The following TFPI variants were observed in gnomAD, a reference collection of about 807,000 sequenced individuals.
TFPI encodes tissue factor pathway inhibitor, also known as anti-convertin.
A neutral mutation model predicts 34.6 loss-of-function variants in TFPI; 15 were observed. That is an observed-to-expected ratio of 0.43 (90% CI 0.29 to 0.67). TFPI has a LOEUF of 0.67. Ranked by LOEUF, TFPI falls within the 30% of genes least tolerant of loss-of-function variation. TFPI has a pLI of 0.15. For synonymous variants in TFPI, 105 were observed against 120.1 expected, an observed-to-expected ratio of 0.87 and a Z score of 0.82; for missense variants, 301 against 364.0, an observed-to-expected ratio of 0.83 and a Z score of 1.41.
chr2:187,473,042 A>G (rs8176568), intron 6 of TFPI, among the ~76,000 whole-genome samples: 1,960 of 152,148 alleles, frequency 0.013, 53 homozygotes, highest in African/African-American at 0.045. Flanking sequence ...ACATAATTAC[A>G]CTGTTATACA....
At chr2:187,536,243 A>T (rs1337063911) in intron 1 of TFPI, among the ~76,000 whole-genome samples, 1 of 152,260 alleles carries the variant, frequency 6.6e-6, no homozygotes, top group African/African-American at 2.4e-5. Context: ...TGAGGCCAGC[A>T]TCATCCTGAT....
chr2:187,539,254 A>G lies in TFPI; in HGVS notation c.-3+14946T>C, dbSNP rs535418733. ...AGAATGCAAAGTAAGGACCAGTGAT[A>G]ATAAAGTTCTAGGTGTGCCCTTGTA... On this transcript the variant is annotated intron_variant, in intron 1 of 7. Coordinates refer to ENST00000233156, the MANE Select transcript of TFPI (RefSeq NM_006287.6). Among the ~76,000 whole-genome samples, 16 of 152,302 alleles carry G rather than the reference A, an allele frequency of 1.1e-4. 1 individual carries two copies. In the South Asian group the frequency reaches 1.2e-3, roughly 12 times the overall value.
intron 1 of TFPI, among the ~76,000 whole-genome samples, chr2:187,545,103 C>G (rs1688789935): frequency 6.6e-6 from 1 of 151,600 alleles, no homozygotes; most frequent in Non-Finnish European, 1.5e-5. Flanking sequence ...AGAGGGAGAC[C>G]CTGTTTCAAA....
chr2:187,543,984 C>T (rs935630506), intron 1 of TFPI, among the ~76,000 whole-genome samples: 9 of 152,068 alleles, frequency 5.9e-5, no homozygotes, highest in African/African-American at 2.2e-4. Context: ...TAGGAAAAAC[C>T]TGGTTCCTTG....
At chr2:187,498,538 A>C (rs898431349) in intron 2 of TFPI, among the ~76,000 whole-genome samples, 1 of 151,858 alleles carries the variant, frequency 6.6e-6, no homozygotes, top group African/African-American at 2.4e-5. Flanking sequence ...ACAGCTTTCT[A>C]TACATAAGTT....
intron 2 of TFPI, among the ~76,000 whole-genome samples, chr2:187,502,387 G>C (rs1470859449): frequency 6.6e-6 from 1 of 152,128 alleles, no homozygotes; most frequent in African/African-American, 2.4e-5. Context: ...CCACAAGTGA[G>C]ATTGCCTGTT....
chr2:187,534,159 A>T (rs375081202), intron 1 of TFPI, among the ~76,000 whole-genome samples: 1 of 152,236 alleles, frequency 6.6e-6, no homozygotes, highest in South Asian at 2.1e-4. Context: ...GATATTATCC[A>T]GGAGAACTTC....
intron 6 of TFPI, among the ~76,000 whole-genome samples, chr2:187,471,197 T>C (rs1418928251): frequency 6.6e-6 from 1 of 152,218 alleles, no homozygotes; most frequent in African/African-American, 2.4e-5. Context: ...ATACGTAAAC[T>C]AATTCATTTA....
chr2:187,540,379 G>A (rs1029723979), intron 1 of TFPI, among the ~76,000 whole-genome samples: 3 of 152,054 alleles, frequency 2.0e-5, no homozygotes, highest in African/African-American at 7.2e-5. Flanking sequence ...TCAGTATAGG[G>A]GGATTAATGC....
chr2:187,517,198 G>C (rs1477052534), intron 1 of TFPI: 1 of 152,124 alleles, frequency 6.6e-6, no homozygotes, highest in Non-Finnish European at 1.5e-5. Flanking sequence ...TTTTGAATTT[G>C]TTTGCTCTTG....
At position 187,464,895 on chromosome 2, in the gene TFPI, C is replaced by T. The variant is rs780858034; in HGVS notation, c.*2041G>A. On this transcript the variant is annotated 3_prime_UTR_variant, in exon 8 of 8. Coordinates refer to ENST00000233156, the MANE Select transcript of TFPI (RefSeq NM_006287.6). ...GGACTTTTCATATTCCATATTGAAA[C>T]ATAGTGATTCTGTAGCTGGCATCAG... 1.3e-5 allele frequency: 2 copies of T among 152,108 alleles called. No homozygotes were observed. Among genetic ancestry groups the T allele is most frequent in the Non-Finnish European group, 2.9e-5 (2 of 68,036 alleles). The allele number at this position is 152,108 out of a possible 1,614,324, so 9.4% of individuals were successfully genotyped here. A position where few individuals can be genotyped will look rare whatever the true frequency, so the allele number is the denominator to read the frequency against.
At chr2:187,527,479 A>G (rs1375436015) in intron 1 of TFPI, among the ~76,000 whole-genome samples, 1 of 152,166 alleles carries the variant, frequency 6.6e-6, no homozygotes, top group Non-Finnish European at 1.5e-5. Flanking sequence ...GGGAGGTTTA[A>G]GGCCGTGTGA....
chr2:187,546,274 A>T (rs1194217825), intron 1 of TFPI, among the ~76,000 whole-genome samples: 27 of 138,836 alleles, frequency 1.9e-4, no homozygotes, highest in Admixed American at 1.8e-3. Context: ...TTATAGTTAA[A>T]TTTGTAAGTT....
At chr2:187,534,910 A>T (rs987460083) in intron 1 of TFPI, among the ~76,000 whole-genome samples, 56 of 151,972 alleles carry the variant, frequency 3.7e-4, no homozygotes, top group Non-Finnish European at 1.9e-4. Flanking sequence ...AAAAAATAAA[A>T]AAATAAAAAA....
chr2:187,495,557 A>G, intron 3 of TFPI, among the ~76,000 whole-genome samples: 1 of 152,200 alleles, frequency 6.6e-6, no homozygotes, highest in East Asian at 1.9e-4. Flanking sequence ...GGTTAAAGAA[A>G]TATATTCGTG....
intron 2 of TFPI, among the ~76,000 whole-genome samples, chr2:187,499,166 A>G (rs561298579): frequency 1.3e-5 from 2 of 151,898 alleles, no homozygotes; most frequent in South Asian, 4.1e-4. Flanking sequence ...GTTGATGAAC[A>G]TATCTAAAAT....
chr2:187,483,315 C>T lies in TFPI; in HGVS notation c.628+809G>A, dbSNP rs184200882. On this transcript the variant is annotated intron_variant, in intron 6 of 7. Coordinates refer to ENST00000233156, the MANE Select transcript of TFPI (RefSeq NM_006287.6). ...ATTTTAATAGTTACAGAATTCTTCA[C>T]ACTCAGGCTAAGTTTATATATAAAC... 5.3e-5 allele frequency among the ~76,000 whole-genome samples: 8 copies of T among 151,928 alleles called. No homozygotes were observed. The East Asian group carries it at 1.5e-3, about 29-fold the overall frequency.
intron 3 of TFPI, among the ~76,000 whole-genome samples, chr2:187,495,344 G>T (rs1284761982): frequency 1.3e-5 from 2 of 152,184 alleles, no homozygotes; most frequent in Admixed American, 1.3e-4. Flanking sequence ...TGACAACTAA[G>T]AATGATTTTC....
intron 1 of TFPI, among the ~76,000 whole-genome samples, chr2:187,512,583 T>C (rs1002765815): frequency 6.6e-5 from 10 of 151,450 alleles, no homozygotes; most frequent in African/African-American, 2.4e-4. Context: ...TTCTTATTAA[T>C]AGCAAAGGAT....
Sources: allele counts gnomAD v4.1 joint callset (sites outside exome capture counted in the v4.1 genomes callset), GRCh38; gene constraint gnomAD v4.1.1; transcripts MANE v1.5; gene names NCBI Gene and HGNC (gene_info 2026-07-23, HGNC 2026-07-21).